ZNF407: variants seen among roughly 807,000 people sequenced by gnomAD.
ZNF407 encodes the protein zinc finger protein 407.
Under a neutral mutation model 131.2 loss-of-function variants are expected in ZNF407, and 17 were observed. The observed-to-expected ratio is 0.13, with a 90% confidence interval of 0.09 to 0.19. The LOEUF is 0.19. Among genes scored for constraint, ZNF407 ranks in the 10% least tolerant of loss-of-function variants. The pLI, the probability that ZNF407 is intolerant of heterozygous loss-of-function variation, is 1.00. For synonymous variants in ZNF407, 1,156 were observed against 1,062.0 expected (o/e 1.09, Z -1.72); for missense variants, 2,681 against 2,830.6 (o/e 0.95, Z 1.20).
At chr18:74,961,590 C>T (rs1479916809) in intron 8 of ZNF407, among the ~76,000 whole-genome samples, 2 of 151,824 alleles carry the variant, frequency 1.3e-5, no homozygotes, top group African/African-American at 2.4e-5. Context: ...TGTGGTGACG[C>T]GTGCCAATAG....
At chr18:74,848,105 A>T (rs1205378526) in intron 4 of ZNF407, among the ~76,000 whole-genome samples, 2 of 152,176 alleles carry the variant, frequency 1.3e-5, no homozygotes, top group Non-Finnish European at 2.9e-5. Flanking sequence ...ACAAACCTGA[A>T]CTCATATAGG....
At chr18:74,943,336 G>T (rs937097731) in intron 8 of ZNF407, among the ~76,000 whole-genome samples, 2 of 152,164 alleles carry the variant, frequency 1.3e-5, no homozygotes, top group Non-Finnish European at 2.9e-5. Flanking sequence ...GCACATTGCA[G>T]TTCTCTTTCT....
At chr18:74,598,311 C>T (rs12965676) in intron 1 of ZNF407, 1 of 152,330 alleles carries the variant, frequency 6.6e-6, no homozygotes, top group Non-Finnish European at 1.5e-5. Context: ...CACCTCGGGG[C>T]TGCGGACCTA....
intron 4 of ZNF407, among the ~76,000 whole-genome samples, chr18:74,795,882 G>A (rs991588738): frequency 1.3e-5 from 2 of 152,250 alleles, no homozygotes; most frequent in South Asian, 4.1e-4. Flanking sequence ...GCAATGGAGT[G>A]TTATAGAGCC....
chr18:74,623,069 T>TGTGTGTATCTGTATCAGTGTGTGAGTGC (rs1983611539), intron 1 of ZNF407, among the ~76,000 whole-genome samples: 1 of 151,754 alleles, frequency 6.6e-6, no homozygotes, highest in Non-Finnish European at 1.5e-5. Flanking sequence ...AGTGAAGATA[T>TGTGTGTATCTGTATCAGTGTGTGAGTGC]GTGTGTATCT....
intron 8 of ZNF407, among the ~76,000 whole-genome samples, chr18:74,941,316 A>G (rs1972096792): frequency 6.6e-6 from 1 of 151,950 alleles, no homozygotes; most frequent in South Asian, 2.1e-4. Flanking sequence ...GCATGTCACC[A>G]CCCTTTTCTT....
At chr18:74,643,274 A>ATAAT (rs1192353660) in intron 3 of ZNF407, among the ~76,000 whole-genome samples, 1 of 152,148 alleles carries the variant, frequency 6.6e-6, no homozygotes, top group Non-Finnish European at 1.5e-5. Context: ...TGGACCTATT[A>ATAAT]GTTCCTGAAC....
chr18:74,661,986 T>C (rs746324002), intron 3 of ZNF407, among the ~76,000 whole-genome samples: 3 of 152,162 alleles, frequency 2.0e-5, no homozygotes, highest in Non-Finnish European at 4.4e-5. Context: ...GCGTGCACTC[T>C]GATCCAGCTG....
intron 1 of ZNF407, among the ~76,000 whole-genome samples, chr18:74,611,203 AGTT>A (rs751637957): frequency 1.3e-5 from 2 of 152,244 alleles, no homozygotes; most frequent in Non-Finnish European, 2.9e-5. Context: ...GCAGGACAGT[AGTT>A]GTATGACTCT....
chr18:74,907,742 AT>A (rs1311878082), intron 7 of ZNF407, among the ~76,000 whole-genome samples: 1 of 152,192 alleles, frequency 6.6e-6, no homozygotes, highest in African/African-American at 2.4e-5. Flanking sequence ...TCTAAAATTG[AT>A]TTAATGACTT....
intron 3 of ZNF407, among the ~76,000 whole-genome samples, chr18:74,655,959 C>T (rs892867423): frequency 2.6e-5 from 4 of 151,774 alleles, no homozygotes; most frequent in Admixed American, 2.0e-4. Context: ...CATTTTTGCT[C>T]AACTATATAA....
chr18:74,930,986 AAGTGT>A (rs1346423843), intron 8 of ZNF407, among the ~76,000 whole-genome samples: 1 of 152,226 alleles, frequency 6.6e-6, no homozygotes, highest in Non-Finnish European at 1.5e-5. Context: ...ATAAACAAGG[AAGTGT>A]AGGTATGTAT....
chr18:74,683,324 T>G (rs1240051861), intron 3 of ZNF407, among the ~76,000 whole-genome samples: 1 of 152,198 alleles, frequency 6.6e-6, no homozygotes, highest in African/African-American at 2.4e-5. Context: ...TCTTTTATAG[T>G]TTATAGGATT....
intron 8 of ZNF407, among the ~76,000 whole-genome samples, chr18:74,960,152 A>G (rs1972322363): frequency 6.6e-6 from 1 of 152,204 alleles, no homozygotes; most frequent in South Asian, 2.1e-4. Flanking sequence ...CACTTTTAGG[A>G]TTATTGTGAA....
chr18:74,734,400 A>G (rs1968363328), intron 3 of ZNF407, among the ~76,000 whole-genome samples: 1 of 152,116 alleles, frequency 6.6e-6, no homozygotes, highest in South Asian at 2.1e-4. Context: ...TAGGTATTTC[A>G]GTTTTGTTTT....
chr18:74,693,746 C>G (rs1356234079), intron 3 of ZNF407, among the ~76,000 whole-genome samples: 1 of 151,994 alleles, frequency 6.6e-6, no homozygotes, highest in East Asian at 1.9e-4. Context: ...TTTCTCTGAT[C>G]TGTGGGTGGA....
chr18:74,768,067 T>C (rs1274355433), intron 3 of ZNF407, among the ~76,000 whole-genome samples: 1 of 152,144 alleles, frequency 6.6e-6, no homozygotes, highest in South Asian at 2.1e-4. Flanking sequence ...TCACATAAAT[T>C]ACAACTTGAA....
At chr18:74,965,215 T>C in intron 8 of ZNF407, among the ~76,000 whole-genome samples, 1 of 152,194 alleles carries the variant, frequency 6.6e-6, no homozygotes, top group East Asian at 1.9e-4. Flanking sequence ...GTACTATAGT[T>C]ACCCTGTTGC....
intron 5 of ZNF407, 62 bp downstream of exon 5, chr18:74,877,425 G>A: frequency 2.0e-6 from 3 of 1,470,182 alleles, no homozygotes; most frequent in Non-Finnish European, 2.8e-6. Flanking sequence ...TGGACTGTGG[G>A]AACAGAGGCA....
Sources: gnomAD v4.1 joint callset for allele counts (sites outside exome capture counted in the v4.1 genomes callset) on GRCh38, gnomAD v4.1.1 for gene constraint, MANE v1.5 for transcripts, NCBI Gene and HGNC (gene_info 2026-07-23, HGNC 2026-07-21) for gene names.